Variants in GPHN observed in about 807,000 individuals in gnomAD.
GPHN encodes gephyrin.
In GPHN, 17 loss-of-function variants were observed where a neutral mutation model predicts 95.5. The observed-to-expected ratio is 0.18, with a 90% CI of 0.12 to 0.27. The LOEUF is 0.27. GPHN is among the 10% of genes least tolerant of loss of function. The probability of loss-of-function intolerance (pLI) is 1.00; values close to 1 mark genes in which losing one functional copy is unlikely to be tolerated. For synonymous variants in GPHN, 320 were observed against 322.5 expected, an observed-to-expected ratio of 0.99 and a Z score of 0.08; for missense variants, 660 against 978.1, an observed-to-expected ratio of 0.67 and a Z score of 4.34.
At chr14:66,892,009 A>G (rs180844492) in intron 5 of GPHN, among the ~76,000 whole-genome samples, 31 of 152,324 alleles carry the variant, frequency 2.0e-4, no homozygotes, top group African/African-American at 7.0e-4. Flanking sequence ...AACATTGTGT[A>G]TTGCTGGTGA....
At chr14:67,353,934 A>ACTGCACC in the GPHN span, 1 of 151,420 alleles carries the variant, frequency 6.6e-6, no homozygotes, top group Admixed American at 6.6e-5. Context: ...GATTATGGGC[A>ACTGCACC]TGAACCACTG....
At chr14:66,574,287 A>G (rs768305297) in intron 1 of GPHN, among the ~76,000 whole-genome samples, 12 of 152,182 alleles carry the variant, frequency 7.9e-5, no homozygotes, top group Middle Eastern at 3.2e-3. Context: ...ACTATATGCT[A>G]ACTTCTCCTT....
the GPHN span, among the ~76,000 whole-genome samples, chr14:67,439,541 C>CTTTCTT: frequency 3.3e-3 from 446 of 133,500 alleles, 5 homozygotes; most frequent in African/African-American, 0.013. Context: ...TAGTTTCTTT[C>CTTTCTT]TTTCTTTCTT....
intron 13 of GPHN, among the ~76,000 whole-genome samples, chr14:67,104,220 C>G (rs1331127302): frequency 6.6e-5 from 10 of 152,200 alleles, no homozygotes; most frequent in Admixed American, 2.6e-4. Flanking sequence ...GTAAATCCCA[C>G]TTGATCATGG....
the GPHN span, among the ~76,000 whole-genome samples, chr14:67,508,095 A>G: frequency 0.66 from 98,978 of 149,782 alleles, 34,029 homozygotes; most frequent in Non-Finnish European, 0.77. Flanking sequence ...CCGAAGTCAC[A>G]TTGCACTCCA....
At chr14:66,710,228 A>G (rs1007675382) in intron 2 of GPHN, among the ~76,000 whole-genome samples, 8 of 152,222 alleles carry the variant, frequency 5.3e-5, no homozygotes, top group Non-Finnish European at 7.3e-5. Context: ...AAAATAATAG[A>G]ATTGCTTTTG....
At chr14:67,480,866 G>A in the GPHN span, among the ~76,000 whole-genome samples, 6 of 152,144 alleles carry the variant, frequency 3.9e-5, no homozygotes, top group Non-Finnish European at 2.9e-5. Flanking sequence ...GGTAACAGAC[G>A]GGAGGGTCCA....
chr14:67,554,682 C>T, the GPHN span, among the ~76,000 whole-genome samples: 10 of 152,160 alleles, frequency 6.6e-5, no homozygotes, highest in South Asian at 2.1e-4. Context: ...TGACATCTAA[C>T]GCACACTTCA....
intron 1 of GPHN, among the ~76,000 whole-genome samples, chr14:66,553,007 T>TTTTTTTTTTG (rs1566591596): frequency 6.6e-6 from 1 of 151,880 alleles, no homozygotes; most frequent in African/African-American, 2.4e-5. Flanking sequence ...TTTCTTTTTT[T>TTTTTTTTTTG]AGACAAGAGT....
intron 1 of GPHN, among the ~76,000 whole-genome samples, chr14:66,602,075 C>T (rs79389481): frequency 0.013 from 2,018 of 151,802 alleles, 23 homozygotes; most frequent in Non-Finnish European, 0.018. Flanking sequence ...TCATTTTTTG[C>T]GTTTCTGATA....
chr14:66,553,139 G>C (rs1284797087), intron 1 of GPHN, among the ~76,000 whole-genome samples: 1 of 151,826 alleles, frequency 6.6e-6, no homozygotes, highest in Non-Finnish European at 1.5e-5. Context: ...ACAGGTGCCC[G>C]CTACCATGCC....
intron 1 of GPHN, among the ~76,000 whole-genome samples, chr14:66,621,588 C>A (rs967126890): frequency 6.8e-6 from 1 of 148,104 alleles, no homozygotes; most frequent in Admixed American, 6.8e-5. Context: ...CCATGCCCAG[C>A]TAATTTTTTG....
Position 66,795,820 on chromosome 14 carries a change from C to A in GPHN, c.201+19299C>A, listed in dbSNP as rs534973544. Among the ~76,000 whole-genome samples the A allele has an allele frequency of 3.3e-5, 5 of 152,214 alleles. No homozygotes were observed. The East Asian group carries it at 9.6e-4, about 29-fold the overall frequency. ...GGTATCAATCCCCTCAAGCATTAAT[C>A]CTTGCTGTTATAAACAATCCAATTA... is the stretch of plus-strand genomic sequence containing the variant. On this transcript the variant is annotated intron_variant, in intron 3 of 22. Coordinates refer to ENST00000478722, the MANE Select transcript of GPHN (RefSeq NM_020806.5).
chr14:66,650,358 C>A (rs1037947365), intron 1 of GPHN, among the ~76,000 whole-genome samples: 1 of 152,170 alleles, frequency 6.6e-6, no homozygotes, highest in Non-Finnish European at 1.5e-5. Context: ...ACTATTTCAT[C>A]AAATGTGTCT....
At chr14:67,575,733 T>A in the GPHN span, 1 of 973,750 alleles carries the variant, frequency 1.0e-6, no homozygotes, top group Admixed American at 2.2e-5. Flanking sequence ...TATCCACGAT[T>A]CCCAGCTTCA....
At chr14:66,938,753 A>T (rs920188643) in intron 8 of GPHN, among the ~76,000 whole-genome samples, 1 of 152,252 alleles carries the variant, frequency 6.6e-6, no homozygotes, top group Non-Finnish European at 1.5e-5. Context: ...TCAGGTAAAC[A>T]TCAAAATTTG....
the GPHN span, among the ~76,000 whole-genome samples, chr14:67,242,334 T>C: frequency 7.9e-5 from 12 of 152,240 alleles, no homozygotes; most frequent in Non-Finnish European, 1.0e-4. Context: ...GTGTGTGTTT[T>C]GTCTCCATAC....
At chr14:67,386,830 A>C in the GPHN span, among the ~76,000 whole-genome samples, 3 of 152,244 alleles carry the variant, frequency 2.0e-5, no homozygotes, top group Non-Finnish European at 4.4e-5. Context: ...TCAATGTACA[A>C]AGTTTGGCCA....
intron 10 of GPHN, among the ~76,000 whole-genome samples, chr14:67,045,398 C>G (rs918131857): frequency 3.9e-5 from 6 of 152,020 alleles, no homozygotes; most frequent in Non-Finnish European, 8.8e-5. Context: ...CCCTCTCTGT[C>G]TCTCTCTCTG....
Sources: gnomAD v4.1 joint callset for allele counts (sites outside exome capture counted in the v4.1 genomes callset) on GRCh38, gnomAD v4.1.1 for gene constraint, MANE v1.5 for transcripts, NCBI Gene and HGNC (gene_info 2026-07-23, HGNC 2026-07-21) for gene names.